MICAL2: variants seen among roughly 807,000 people sequenced by gnomAD.
MICAL2 encodes microtubule associated monooxygenase, calponin and LIM domain containing 2.
In MICAL2, 77 loss-of-function variants were observed where a neutral mutation model predicts 127.3. The ratio of observed to expected loss-of-function variants is 0.60; its 90% CI spans 0.50 to 0.73. The LOEUF (loss-of-function observed/expected upper bound fraction) is 0.73, where lower values mean the gene tolerates loss of function less well. MICAL2 is among the 30% of genes least tolerant of loss of function. The pLI, the probability that MICAL2 is intolerant of heterozygous loss-of-function variation, is 0.00. For synonymous variants in MICAL2, 570 were observed against 551.1 expected (o/e 1.03, Z -0.48); for missense variants, 1,351 against 1,434.4 (o/e 0.94, Z 0.94).
intron 9 of MICAL2, 100 bp from the exon 10 acceptor site, chr11:12,221,544 G>A (rs1392962568): frequency 1.8e-5 from 14 of 797,962 alleles, no homozygotes; most frequent in Non-Finnish European, 2.9e-5. Flanking sequence ...TCCCTCCAGT[G>A]CCCTGCACAG....
chr11:12,225,619 C>G lies in MICAL2; in HGVS notation c.1689-552C>G, dbSNP rs541108381. On this transcript the variant is annotated intron_variant, in intron 13 of 27. Coordinates refer to ENST00000683283, the MANE Select transcript of MICAL2 (RefSeq NM_001282663.2). The stretch of plus-strand genomic sequence containing the variant: ...TCTCCTGCCTCAGTCTCCTGAGTAG[C>G]TGGGATTACAGGTGCCCACCACCAC... 2.2e-3 allele frequency: 341 copies of G among 154,718 alleles called. 1 individual carries two copies. Among genetic ancestry groups the G allele is most frequent in the Middle Eastern group, 0.013 (4 of 300 alleles). 9.6% of individuals were successfully genotyped at this position (154,718 alleles called of 1,614,324 possible).
chr11:12,279,948 T>A (rs1004448580), intron 1 of MICAL2, among the ~76,000 whole-genome samples: 6 of 152,230 alleles, frequency 3.9e-5, no homozygotes, highest in Admixed American at 3.9e-4. Flanking sequence ...AGTGACCTTG[T>A]GGAAGGAACC....
At chr11:12,140,959 T>A (rs1852293343) in intron 2 of MICAL2, among the ~76,000 whole-genome samples, 1 of 152,218 alleles carries the variant, frequency 6.6e-6, no homozygotes, top group African/African-American at 2.4e-5. Flanking sequence ...TAGGGGAGCC[T>A]ACCTCTTCCT....
At chr11:12,341,467 CAAAAA>C (rs75906702) in intron 32 of MICAL2, among the ~76,000 whole-genome samples, 1 of 149,946 alleles carries the variant, frequency 6.7e-6, no homozygotes, top group African/African-American at 2.4e-5. Context: ...TAAAAACAAA[CAAAAA>C]AAAAGACATA....
intron 33 of MICAL2, among the ~76,000 whole-genome samples, chr11:12,351,290 G>A (rs542150378): frequency 6.6e-6 from 1 of 152,206 alleles, no homozygotes; most frequent in East Asian, 1.9e-4. Flanking sequence ...TGCTCCTTAG[G>A]GGCAAGGCTG....
intron 21 of MICAL2, among the ~76,000 whole-genome samples, chr11:12,245,874 T>C (rs1209638118): frequency 6.6e-6 from 1 of 152,198 alleles, no homozygotes; most frequent in East Asian, 1.9e-4. Context: ...ATGGCACCCT[T>C]GGCAGGATGG....
chr11:12,194,365 G>A (rs561494938), intron 3 of MICAL2, among the ~76,000 whole-genome samples: 61 of 152,238 alleles, frequency 4.0e-4, no homozygotes, highest in Non-Finnish European at 8.2e-4. Context: ...AACAGGCCTG[G>A]CATGTAGTAA....
intron 2 of MICAL2, among the ~76,000 whole-genome samples, chr11:12,148,841 CA>C (rs1853255101): frequency 6.6e-6 from 1 of 152,008 alleles, no homozygotes; most frequent in South Asian, 2.1e-4. Flanking sequence ...AATTATGCTT[CA>C]AAGAAGAACA....
intron 24 of MICAL2, among the ~76,000 whole-genome samples, chr11:12,269,776 G>A (rs966910322): frequency 6.6e-6 from 1 of 152,198 alleles, no homozygotes; most frequent in African/African-American, 2.4e-5. Context: ...GGCCAGCCAG[G>A]GCCCCTTGAA....
Position 12,212,078 on chromosome 11 carries a change from G to A in MICAL2, c.692-1177G>A, listed in dbSNP as rs143873486. Among the ~76,000 whole-genome samples, 238 of 152,208 alleles carry A rather than the reference G, an allele frequency of 1.6e-3. 1 individual carries two copies. In the Middle Eastern group the frequency reaches 0.031, roughly 20 times the overall value. On this transcript the variant is annotated intron_variant, in intron 6 of 27. Coordinates refer to ENST00000683283, the MANE Select transcript of MICAL2 (RefSeq NM_001282663.2). ...CCCTCATAGACAAAGAAGAAGTCTC[G>A]GGGTTGGCCACTCCTGGATTCCCCA...
intron 3 of MICAL2, among the ~76,000 whole-genome samples, chr11:12,186,199 AT>A (rs1463167217): frequency 2.6e-5 from 4 of 152,150 alleles, no homozygotes; most frequent in Admixed American, 2.0e-4. Context: ...AACAAACAAG[AT>A]CTTGCCTACG....
rs1407348963 is a variant in MICAL2, at chr11:12,324,015, A to G, written c.5366A>G (p.Lys1789Arg). The change falls in exon 31 of 35, where the codon AAA becomes AGA. Residue 1789 changes from lysine to arginine, a missense_variant. Lys to Arg is a conservative substitution (Grantham distance 26). Coordinates refer to the MICAL2 transcript ENST00000646065. ...CTTAGAAGAAGAAAGAAGCTAGAAA[A>G]AGCAATGAAGCAGTTGGTTAAGCAA... 3.7e-6 allele frequency: 6 copies of G among 1,612,138 alleles called. No individual in the cohort carries two copies. The Admixed American group carries it at 8.3e-5, about 22-fold the overall frequency.
At chr11:12,189,859 G>T (rs750948675) in intron 3 of MICAL2, among the ~76,000 whole-genome samples, 1 of 152,192 alleles carries the variant, frequency 6.6e-6, no homozygotes, top group South Asian at 2.1e-4. Flanking sequence ...GGCTGTGAGG[G>T]GAGGCTTTCC....
chr11:12,237,798 G>A (rs186543958), intron 16 of MICAL2, among the ~76,000 whole-genome samples: 440 of 152,320 alleles, frequency 2.9e-3, no homozygotes, highest in Non-Finnish European at 4.6e-3. Flanking sequence ...GGCTTTCAGG[G>A]CCCACCCCAG....
chr11:12,217,659 C>A (rs908882822), intron 8 of MICAL2, among the ~76,000 whole-genome samples: 1 of 152,104 alleles, frequency 6.6e-6, no homozygotes, highest in Non-Finnish European at 1.5e-5. Flanking sequence ...TTTTGCAGAG[C>A]ACCGTGGCCT....
At chr11:12,238,909 G>T (rs138810278) in intron 16 of MICAL2, among the ~76,000 whole-genome samples, 246 of 152,230 alleles carry the variant, frequency 1.6e-3, no homozygotes, top group African/African-American at 5.8e-3. Context: ...AGCAGGGCTG[G>T]TTAAAGCTGG....
At chr11:12,336,837 C>T (rs1467479213) in intron 32 of MICAL2, among the ~76,000 whole-genome samples, 6 of 152,036 alleles carry the variant, frequency 3.9e-5, no homozygotes. Context: ...TTTTGCTGTG[C>T]TGCTGGATTC....
intron 6 of MICAL2, among the ~76,000 whole-genome samples, chr11:12,210,490 T>C (rs541579613): frequency 1.3e-5 from 2 of 152,326 alleles, no homozygotes; most frequent in South Asian, 4.1e-4. Context: ...TCAGGATCTG[T>C]GGGCCGCCTG....
At chr11:12,258,211 G>A (rs770878249) in intron 24 of MICAL2, among the ~76,000 whole-genome samples, 1 of 152,208 alleles carries the variant, frequency 6.6e-6, no homozygotes, top group African/African-American at 2.4e-5. Flanking sequence ...GGCATGGTTT[G>A]AAGGTCTTAG....
Sources: gnomAD v4.1 joint callset for allele counts (sites outside exome capture counted in the v4.1 genomes callset) on GRCh38, gnomAD v4.1.1 for gene constraint, MANE v1.5 for transcripts, NCBI Gene and HGNC (gene_info 2026-07-23, HGNC 2026-07-21) for gene names.